Variants in CHSY3 observed in about 807,000 individuals in gnomAD.
The protein encoded by CHSY3 is chondroitin sulfate synthase 3.
In CHSY3, 35 loss-of-function variants were observed where a neutral mutation model predicts 67.2. That is an observed-to-expected ratio of 0.52 (90% confidence interval 0.40 to 0.69). The LOEUF is 0.69. CHSY3 is among the 30% of genes least tolerant of loss of function. The pLI, the probability that CHSY3 is intolerant of heterozygous loss-of-function variation, is 0.00. For missense variants in CHSY3, 1,069 were observed against 1,138.5 expected (o/e 0.94, Z 0.88); for synonymous variants, 474 against 434.7 (o/e 1.09, Z -1.12).
intron 2 of CHSY3, among the ~76,000 whole-genome samples, chr5:129,911,470 A>G (rs1760545574): frequency 6.6e-6 from 1 of 152,186 alleles, no homozygotes; most frequent in African/African-American, 2.4e-5. Flanking sequence ...ACATTTCAGG[A>G]AAGATTAGGT....
chr5:130,046,307 C>G (rs2431195), intron 2 of CHSY3, among the ~76,000 whole-genome samples: 151,570 of 152,244 alleles, frequency 1, 75,451 homozygotes, highest in Middle Eastern at 1. Context: ...AATACTATGT[C>G]TGTTATACTA....
chr5:130,077,957 T>A (rs975453602), intron 2 of CHSY3, among the ~76,000 whole-genome samples: 4 of 152,106 alleles, frequency 2.6e-5, no homozygotes, highest in African/African-American at 7.2e-5. Flanking sequence ...GTAGCCATAA[T>A]AACTAACACC....
chr5:130,064,631 T>C (rs1018756898), intron 2 of CHSY3, among the ~76,000 whole-genome samples: 1 of 152,188 alleles, frequency 6.6e-6, no homozygotes, highest in Non-Finnish European at 1.5e-5. Context: ...TTTTACATAA[T>C]GAGTATACCA....
intron 2 of CHSY3, among the ~76,000 whole-genome samples, chr5:130,180,710 C>T (rs1770218696): frequency 1.3e-5 from 2 of 151,624 alleles, no homozygotes; most frequent in South Asian, 2.1e-4. Flanking sequence ...AAAAATTAGC[C>T]GGGTGCGGTG....
Position 129,905,354 on chromosome 5 carries a change from G to T in CHSY3, c.525G>T (p.Val175=). ...PSARPRDFLY[V]GVMTAQKYLG... Reference sequence around the variant, plus strand: ...CCCGACCCCGGGACTTCCTGTACGTGGGGGTGATGACCGCGCAGAAGTACC... The same window carrying T: ...CCCGACCCCGGGACTTCCTGTACGTTGGGGTGATGACCGCGCAGAAGTACC... Residue 175 remains valine, a synonymous_variant, in exon 1 of 3, where the codon GTG becomes GTT. Coordinates refer to ENST00000305031, the MANE Select transcript of CHSY3 (RefSeq NM_175856.5). The T allele has an allele frequency of 1.3e-6, 2 of 1,570,412 alleles. No individual in the cohort carries two copies.
intron 2 of CHSY3, among the ~76,000 whole-genome samples, chr5:130,158,474 A>G (rs896674509): frequency 2.0e-5 from 3 of 152,224 alleles, no homozygotes; most frequent in Non-Finnish European, 4.4e-5. Flanking sequence ...TTAGCCAACA[A>G]GTGGTACCCG....
chr5:129,924,666 A>G (rs989973310), intron 2 of CHSY3, among the ~76,000 whole-genome samples: 9 of 150,966 alleles, frequency 6.0e-5, no homozygotes, highest in Non-Finnish European at 1.3e-4. Flanking sequence ...AAAAAATAGA[A>G]TTAACTTTCT....
intron 2 of CHSY3, among the ~76,000 whole-genome samples, chr5:129,925,654 A>G (rs552460780): frequency 6.6e-6 from 1 of 152,258 alleles, no homozygotes; most frequent in African/African-American, 2.4e-5. Flanking sequence ...ACAACGTACA[A>G]TAGCTGTCTT....
At chr5:129,932,768 A>T (rs1761358849) in intron 2 of CHSY3, among the ~76,000 whole-genome samples, 2 of 151,536 alleles carry the variant, frequency 1.3e-5, no homozygotes, top group Non-Finnish European at 2.9e-5. Flanking sequence ...TTTTTTTTTT[A>T]AAGGCATATT....
intron 2 of CHSY3, among the ~76,000 whole-genome samples, chr5:130,018,374 A>G (rs1374254683): frequency 6.6e-6 from 1 of 152,128 alleles, no homozygotes; most frequent in African/African-American, 2.4e-5. Flanking sequence ...CAGAAATATA[A>G]TTGTTTAAAT....
In CHSY3 at chr5:130,143,756, A is replaced by ATGTGTG. The variant is rs1172129222; in HGVS notation, c.1087-40465_1087-40460dup. Among the ~76,000 whole-genome samples the ATGTGTG allele has an allele frequency of 3.9e-5, 4 of 101,938 alleles. 1 individual carries two copies. Among genetic ancestry groups the ATGTGTG allele is most frequent in the African/African-American group, 1.9e-4 (4 of 20,956 alleles). The allele number at this position is 101,938 out of a possible 152,430, so 66.9% of individuals were successfully genotyped here. On this transcript the variant is annotated intron_variant, in intron 2 of 2. Transcript: ENST00000305031. ...TGTGTATATATATATATATATATAT[A>ATGTGTG]TGTGTGTGTGTGTATATATATATAT...
intron 2 of CHSY3, among the ~76,000 whole-genome samples, chr5:130,007,054 A>G (rs1213141004): frequency 6.6e-6 from 1 of 152,210 alleles, no homozygotes; most frequent in Non-Finnish European, 1.5e-5. Flanking sequence ...TAATCCTTGG[A>G]CCACACATTG....
At chr5:130,136,361 T>A (rs923797555) in intron 2 of CHSY3, among the ~76,000 whole-genome samples, 1 of 152,124 alleles carries the variant, frequency 6.6e-6, no homozygotes, top group African/African-American at 2.4e-5. Flanking sequence ...TGTGTATGGA[T>A]GGTTGCAAAG....
At chr5:130,002,348 G>T (rs942086276) in intron 2 of CHSY3, among the ~76,000 whole-genome samples, 1 of 152,200 alleles carries the variant, frequency 6.6e-6, no homozygotes, top group Non-Finnish European at 1.5e-5. Context: ...ATTTGTGCCA[G>T]GCAGCCTGTG....
intron 2 of CHSY3, among the ~76,000 whole-genome samples, chr5:130,110,805 T>A (rs945433363): frequency 6.6e-6 from 1 of 152,002 alleles, no homozygotes; most frequent in African/African-American, 2.4e-5. Context: ...CTGTATATTA[T>A]ATCCCTGATA....
At chr5:130,171,553 G>A (rs371190211) in intron 2 of CHSY3, among the ~76,000 whole-genome samples, 163 of 152,178 alleles carry the variant, frequency 1.1e-3, no homozygotes, top group African/African-American at 3.7e-3. Context: ...ATATCTATGA[G>A]CTATTTTCCA....
chr5:130,086,278 A>C (rs1227343445), intron 2 of CHSY3, among the ~76,000 whole-genome samples: 5 of 151,990 alleles, frequency 3.3e-5, no homozygotes, highest in Non-Finnish European at 7.4e-5. Flanking sequence ...GACTTGCTTT[A>C]TGAATCTGGG....
At chr5:130,168,560 A>C (rs1769813321) in intron 2 of CHSY3, among the ~76,000 whole-genome samples, 1 of 152,120 alleles carries the variant, frequency 6.6e-6, no homozygotes, top group South Asian at 2.1e-4. Flanking sequence ...TTTATTTTTT[A>C]ACTTAAAGAA....
chr5:130,164,811 TTAAA>T (rs1230748746), intron 2 of CHSY3, among the ~76,000 whole-genome samples: 1 of 152,102 alleles, frequency 6.6e-6, no homozygotes, highest in Non-Finnish European at 1.5e-5. Context: ...TATAATTTGA[TTAAA>T]TAGTGAGGAA....
Sources: gnomAD v4.1 joint callset for allele counts (sites outside exome capture counted in the v4.1 genomes callset) on GRCh38, gnomAD v4.1.1 for gene constraint, MANE v1.5 for transcripts, NCBI Gene and HGNC (gene_info 2026-07-23, HGNC 2026-07-21) for gene names.